The following TMEM117 variants were observed in gnomAD, a reference collection of about 807,000 sequenced individuals.
The protein encoded by TMEM117 is transmembrane protein 117.
In TMEM117, 27 loss-of-function variants were observed where a neutral mutation model predicts 52.4. The observed-to-expected ratio is 0.51, with a 90% CI of 0.38 to 0.71. The LOEUF is 0.71. Ranked by LOEUF, TMEM117 falls within the 30% of genes least tolerant of loss-of-function variation. The pLI is 0.00. For missense variants in TMEM117, 556 were observed against 630.5 expected, an observed-to-expected ratio of 0.88 and a Z score of 1.26; for synonymous variants, 215 against 206.3, an observed-to-expected ratio of 1.04 and a Z score of -0.36.
At chr12:43,808,849 C>T in the TMEM117 span, among the ~76,000 whole-genome samples, 1 of 147,208 alleles carries the variant, frequency 6.8e-6, no homozygotes, top group Non-Finnish European at 1.5e-5. Context: ...GCTACTACTA[C>T]TCAATTCAAT....
At chr12:43,908,147 C>T (rs1407271953) in intron 2 of TMEM117, among the ~76,000 whole-genome samples, 1 of 64,566 alleles carries the variant, frequency 1.5e-5, no homozygotes, top group African/African-American at 3.1e-5. Context: ...CAGCGGATCT[C>T]TCGGCAGAAA....
chr12:44,134,199 T>G (rs1454572151), intron 3 of TMEM117, among the ~76,000 whole-genome samples: 1 of 152,186 alleles, frequency 6.6e-6, no homozygotes, highest in African/African-American at 2.4e-5. Flanking sequence ...CGGAGACACA[T>G]TGGTCTTTTG....
intron 3 of TMEM117, among the ~76,000 whole-genome samples, chr12:44,082,773 C>G (rs1246667903): frequency 2.0e-5 from 3 of 152,062 alleles, no homozygotes; most frequent in Admixed American, 6.5e-5. Flanking sequence ...GGAATCAGAA[C>G]AATACTAGTA....
At chr12:44,100,400 C>T (rs1191695899) in intron 3 of TMEM117, among the ~76,000 whole-genome samples, 5 of 151,898 alleles carry the variant, frequency 3.3e-5, no homozygotes, top group Non-Finnish European at 5.9e-5. Flanking sequence ...ATGCGGAGAC[C>T]AATAAATTCT....
chr12:43,830,845 C>A, the TMEM117 span, among the ~76,000 whole-genome samples: 1 of 151,994 alleles, frequency 6.6e-6, no homozygotes, highest in Non-Finnish European at 1.5e-5. Context: ...ATTTTTTAAT[C>A]CCTCTAAGAC....
chr12:44,162,928 T>TTTTG (rs555520448), intron 4 of TMEM117, among the ~76,000 whole-genome samples: 111 of 152,344 alleles, frequency 7.3e-4, no homozygotes, highest in African/African-American at 2.6e-3. Context: ...GATCAGTGTA[T>TTTTG]TTTGACTGGT....
intron 3 of TMEM117, among the ~76,000 whole-genome samples, chr12:43,954,152 G>C (rs73085708): frequency 6.6e-6 from 1 of 152,066 alleles, no homozygotes. Context: ...TGCAGCTAAA[G>C]CAGTATTAAG....
chr12:43,796,962 A>T, the TMEM117 span: 1 of 1,606,072 alleles, frequency 6.2e-7, no homozygotes, highest in South Asian at 1.1e-5. Context: ...AAGATTTTAA[A>T]ATAGGTGGGC....
intron 4 of TMEM117, among the ~76,000 whole-genome samples, chr12:44,182,503 C>T (rs1054079039): frequency 1.8e-4 from 27 of 152,216 alleles, no homozygotes; most frequent in East Asian, 5.8e-4. Context: ...AATTCAACAA[C>T]GCTTCATGCT....
At chr12:43,881,515 C>G (rs185241832) in intron 2 of TMEM117, among the ~76,000 whole-genome samples, 89 of 152,208 alleles carry the variant, frequency 5.8e-4, no homozygotes, top group Middle Eastern at 3.4e-3. Flanking sequence ...TAAGTCCGGG[C>G]GTGGAAGCTC....
At chr12:44,330,094 C>T (rs868644819) in intron 6 of TMEM117, among the ~76,000 whole-genome samples, 2 of 151,830 alleles carry the variant, frequency 1.3e-5, no homozygotes, top group East Asian at 1.9e-4. Flanking sequence ...AGTGCCGTAC[C>T]GTTTACATTC....
intron 7 of TMEM117, among the ~76,000 whole-genome samples, chr12:44,387,139 T>G (rs1440954623): frequency 6.6e-6 from 1 of 151,750 alleles, no homozygotes; most frequent in African/African-American, 2.4e-5. Context: ...TAATAAAAAA[T>G]TATAATAGAA....
intron 2 of TMEM117, among the ~76,000 whole-genome samples, chr12:43,855,809 G>C (rs942757156): frequency 6.6e-6 from 1 of 152,094 alleles, no homozygotes; most frequent in Non-Finnish European, 1.5e-5. Context: ...TTTAAGCTTA[G>C]TTTGAATTTT....
At position 44,102,812 on chromosome 12, in the gene TMEM117, G is replaced by A. The variant is rs554588640; in HGVS notation, c.411-40713G>A. Among the ~76,000 whole-genome samples, 4 of 152,120 alleles carry A rather than the reference G, an allele frequency of 2.6e-5. 1 individual carries two copies. The highest frequency in any genetic ancestry group is 9.6e-5 in the African/African-American group (4 of 41,534). On this transcript the variant is annotated intron_variant, in intron 3 of 7. Transcript: ENST00000266534. Reference sequence around the variant, plus strand: ...TCCATAATCCCCACTTGTTGTGGGAGGGACCCAGTGGGAGGTAATTGAATC... The same window carrying A: ...TCCATAATCCCCACTTGTTGTGGGAAGGACCCAGTGGGAGGTAATTGAATC...
intron 2 of TMEM117, among the ~76,000 whole-genome samples, chr12:43,917,542 G>C (rs1471678956): frequency 6.6e-6 from 1 of 152,170 alleles, no homozygotes; most frequent in East Asian, 1.9e-4. Flanking sequence ...CCAGTGGGCA[G>C]TGGCAAAACC....
chr12:44,392,284 C>A (rs1366693462), downstream of TMEM117, among the ~76,000 whole-genome samples: 2 of 152,094 alleles, frequency 1.3e-5, no homozygotes, highest in Non-Finnish European at 2.9e-5. Flanking sequence ...TGGTGGAGAA[C>A]AAGTGGAGGT....
intron 3 of TMEM117, among the ~76,000 whole-genome samples, chr12:44,030,172 A>G (rs1421341599): frequency 6.6e-6 from 1 of 152,236 alleles, no homozygotes. Context: ...AGTTTTAAAG[A>G]TTATTGGTAA....
chr12:43,797,973 C>T, the TMEM117 span: 34 of 852,054 alleles, frequency 4.0e-5, no homozygotes, highest in Non-Finnish European at 5.2e-5. Context: ...CATTTGTTTA[C>T]GGTCCTGCTA....
intron 4 of TMEM117, among the ~76,000 whole-genome samples, chr12:44,157,346 G>A (rs1406973132): frequency 6.7e-6 from 1 of 149,842 alleles, no homozygotes; most frequent in African/African-American, 2.5e-5. Context: ...AAAAGATAAA[G>A]CATGTGGAAT....
Sources: allele counts gnomAD v4.1 joint callset (sites outside exome capture counted in the v4.1 genomes callset), GRCh38; gene constraint gnomAD v4.1.1; transcripts MANE v1.5; gene names NCBI Gene and HGNC (gene_info 2026-07-23, HGNC 2026-07-21).